MYO1B: variants seen among roughly 807,000 people sequenced by gnomAD.
The protein encoded by MYO1B is myosin IB.
In MYO1B, 72 loss-of-function variants were observed where a neutral mutation model predicts 159.7. The ratio of observed to expected loss-of-function variants is 0.45; its 90% CI spans 0.37 to 0.55. The LOEUF is 0.55. Ranked by LOEUF, MYO1B falls within the 20% of genes least tolerant of loss-of-function variation. The pLI, the probability that MYO1B is intolerant of heterozygous loss-of-function variation, is 0.00. For synonymous variants in MYO1B, 468 were observed against 473.8 expected, an observed-to-expected ratio of 0.99 and a Z score of 0.16; for missense variants, 1,062 against 1,364.8, an observed-to-expected ratio of 0.78 and a Z score of 3.50.
chr2:191,357,102 AT>A (rs1328135913), intron 7 of MYO1B, among the ~76,000 whole-genome samples: 1 of 152,226 alleles, frequency 6.6e-6, no homozygotes, highest in East Asian at 1.9e-4. Context: ...AGCTTTTATC[AT>A]ACTATCTAAT....
chr2:191,288,783 T>C (rs1351028834), intron 2 of MYO1B, among the ~76,000 whole-genome samples: 3 of 152,188 alleles, frequency 2.0e-5, no homozygotes, highest in Non-Finnish European at 4.4e-5. Flanking sequence ...TCCTGGCCCA[T>C]CCTGGATTTG....
chr2:191,311,710 G>A (rs962431383), intron 3 of MYO1B, among the ~76,000 whole-genome samples: 1 of 152,114 alleles, frequency 6.6e-6, no homozygotes, highest in African/African-American at 2.4e-5. Context: ...CTAAGGTCAG[G>A]GAAATGTATT....
intron 24 of MYO1B, 81 bp downstream of exon 24, chr2:191,402,799 T>A: frequency 3.6e-6 from 4 of 1,096,714 alleles, no homozygotes; most frequent in Non-Finnish European, 5.2e-6. Flanking sequence ...AATGATTGAT[T>A]ATGCTTGCTG....
Position 191,392,205 on chromosome 2 carries a change from T to C in MYO1B, c.2076+4T>C, listed in dbSNP as rs1164108931. Reference sequence around the variant, plus strand: ...ATTCATCCGAAACCCAAGAACAGTATGTAACGAAAACCTTTACACTCTGAA... The same window carrying C: ...ATTCATCCGAAACCCAAGAACAGTACGTAACGAAAACCTTTACACTCTGAA... On this transcript the variant is annotated splice_donor_region_variant and intron_variant, in intron 19 of 30. Coordinates refer to ENST00000392318, the MANE Select transcript of MYO1B (RefSeq NM_001130158.3). The C allele has an allele frequency of 1.9e-6, 3 of 1,593,034 alleles. No homozygotes were observed. The highest frequency in any genetic ancestry group is 1.7e-5 in the Admixed American group (1 of 59,762).
chr2:191,384,489 A>G (rs964426444), intron 15 of MYO1B, among the ~76,000 whole-genome samples: 3 of 152,250 alleles, frequency 2.0e-5, no homozygotes, highest in Non-Finnish European at 2.9e-5. Flanking sequence ...AAATTAAACA[A>G]TATTCTAAGG....
intron 20 of MYO1B, 139 bp from the exon 21 acceptor site, chr2:191,396,290 T>G (rs897079824): frequency 1.3e-6 from 1 of 764,206 alleles, no homozygotes; most frequent in Non-Finnish European, 2.2e-6. Flanking sequence ...GATATTTTGG[T>G]TTCTTTATGT....
chr2:191,279,027 T>A (rs1687904653), intron 2 of MYO1B, among the ~76,000 whole-genome samples: 3 of 152,236 alleles, frequency 2.0e-5, no homozygotes, highest in Admixed American at 2.0e-4. Flanking sequence ...AACAATCACC[T>A]TTTTAACAAA....
intron 19 of MYO1B, 30 bp from the exon 20 acceptor site, chr2:191,393,037 GGATTTT>G (rs1174487522): frequency 4.4e-6 from 7 of 1,592,478 alleles, no homozygotes; most frequent in Non-Finnish European, 5.1e-6. Flanking sequence ...AGGTTTCAGA[GGATTTT>G]TGATAAGTCC....
intron 1 of MYO1B, among the ~76,000 whole-genome samples, chr2:191,266,541 T>G (rs1429446215): frequency 1.3e-5 from 2 of 152,124 alleles, no homozygotes; most frequent in African/African-American, 4.8e-5. Context: ...TGTGAAGAGC[T>G]TGGTGATTTA....
intron 11 of MYO1B, among the ~76,000 whole-genome samples, chr2:191,364,554 G>C (rs1693878868): frequency 6.6e-6 from 1 of 152,252 alleles, no homozygotes. Flanking sequence ...AGCAACAGTA[G>C]AGCAGAGTAG....
At chr2:191,412,312 A>G (rs1166651933) in intron 27 of MYO1B, among the ~76,000 whole-genome samples, 3 of 152,244 alleles carry the variant, frequency 2.0e-5, no homozygotes, top group Admixed American at 1.3e-4. Context: ...TTCTTAATGA[A>G]CATTTCCTGT....
rs529042574 is a variant in MYO1B, at chr2:191,352,113, G to A, written c.562+1888G>A. ...AAAAGTACTCATGCAAACCACATACGATGTAACCAAAGGCAAGTGATTATA... is the reference window on the plus strand; with the variant it reads ...AAAAGTACTCATGCAAACCACATACAATGTAACCAAAGGCAAGTGATTATA... On this transcript the variant is annotated intron_variant, in intron 7 of 30. Transcript: ENST00000392318. Among the ~76,000 whole-genome samples the A allele has an allele frequency of 3.9e-5, 6 of 152,252 alleles. No individual in the cohort carries two copies. In the South Asian group the frequency reaches 1.0e-3, roughly 26 times the overall value.
intron 30 of MYO1B, among the ~76,000 whole-genome samples, chr2:191,420,866 T>A (rs1697891956): frequency 6.6e-6 from 1 of 152,172 alleles, no homozygotes; most frequent in Non-Finnish European, 1.5e-5. Context: ...TTCTAACTGG[T>A]ATGAATGCCA....
intron 7 of MYO1B, among the ~76,000 whole-genome samples, chr2:191,354,833 G>A (rs1451073082): frequency 6.6e-6 from 1 of 152,176 alleles, no homozygotes; most frequent in East Asian, 1.9e-4. Flanking sequence ...CACAGTTTCA[G>A]GGGCAGGGAC....
At chr2:191,293,222 GA>G (rs1169736863) in intron 2 of MYO1B, among the ~76,000 whole-genome samples, 4 of 152,148 alleles carry the variant, frequency 2.6e-5, no homozygotes, top group Admixed American at 6.5e-5. Flanking sequence ...AAGGAGTGGA[GA>G]AAAAAACTCT....
At chr2:191,247,814 C>A in intron 1 of MYO1B, 1 of 408,794 alleles carries the variant, frequency 2.4e-6, no homozygotes, top group Non-Finnish European at 3.3e-6. Context: ...AGTGGCTGGT[C>A]TCTGGTCTCT....
At chr2:191,416,312 T>A (rs1422207727) in intron 30 of MYO1B, 70 bp downstream of exon 30, 2 of 1,558,922 alleles carry the variant, frequency 1.3e-6, no homozygotes, top group Non-Finnish European at 1.8e-6. Context: ...GCTCTCGATC[T>A]CATTCATTAA....
At chr2:191,406,739 C>T (rs530634752) in intron 24 of MYO1B, among the ~76,000 whole-genome samples, 4 of 152,268 alleles carry the variant, frequency 2.6e-5, no homozygotes, top group Non-Finnish European at 5.9e-5. Context: ...ACAGAATGAG[C>T]ACATGCTGTT....
At chr2:191,313,447 C>A (rs377748285) in intron 3 of MYO1B, among the ~76,000 whole-genome samples, 1 of 151,708 alleles carries the variant, frequency 6.6e-6, no homozygotes, top group East Asian at 1.9e-4. Context: ...TGCAGTGGCA[C>A]GATCTCGGCT....
Sources: gnomAD v4.1 joint callset for allele counts (sites outside exome capture counted in the v4.1 genomes callset) on GRCh38, gnomAD v4.1.1 for gene constraint, MANE v1.5 for transcripts, NCBI Gene and HGNC (gene_info 2026-07-23, HGNC 2026-07-21) for gene names.